Variants in LAMB4 observed in about 807,000 individuals in gnomAD.
LAMB4 encodes the protein laminin subunit beta-4.
LAMB4 carries 196 observed loss-of-function variants against 199.2 expected under a neutral mutation model. The ratio of observed to expected loss-of-function variants is 0.98; its 90% CI spans 0.88 to 1.11. The LOEUF (loss-of-function observed/expected upper bound fraction) is 1.11. LAMB4 is among the 50% of genes least tolerant of loss of function. LAMB4 has a pLI of 0.00. For synonymous variants in LAMB4, 744 were observed against 770.6 expected, an observed-to-expected ratio of 0.97 and a Z score of 0.57; for missense variants, 2,080 against 2,171.2, an observed-to-expected ratio of 0.96 and a Z score of 0.83.
At chr7:108,097,676 T>C (rs1400490730) in intron 11 of LAMB4, among the ~76,000 whole-genome samples, 1 of 152,126 alleles carries the variant, frequency 6.6e-6, no homozygotes. Context: ...TCCCAGCCAC[T>C]GCACTCCAGC....
rs2036216440 is a variant in LAMB4 at position 108,062,953 on chromosome 7, G to T, written c.3103C>A (p.Pro1035Thr). 6.2e-7 allele frequency: 1 copy of T among 1,604,426 alleles called. No homozygotes were observed. The highest frequency in any genetic ancestry group is 8.5e-7 in the Non-Finnish European group (1 of 1,176,088). The change falls in exon 23 of 34, where the codon CCC becomes ACC. Residue 1035 changes from proline (P) to threonine (T), a missense_variant. Physicochemically the swap from Pro to Thr is conservative, Grantham distance 38 (BLOSUM62 -1). Transcript: ENST00000388781. The stretch of plus-strand genomic sequence containing the variant: ...CAGAGGCAAGCTCCCCCACCAGGGG[G>T]ACACTCCATGGGACTCACGCCGGAA... ...HASGVSPMEC[P>T]PGGGACLCDP...
chr7:108,116,954 T>C (rs1358145096), intron 2 of LAMB4, among the ~76,000 whole-genome samples: 1 of 152,198 alleles, frequency 6.6e-6, no homozygotes, highest in Admixed American at 6.5e-5. Flanking sequence ...GGAGGATTGC[T>C]TGAGCCCAGG....
chr7:108,102,952 C>A, intron 10 of LAMB4, 92 bp downstream of exon 10: 2 of 1,122,226 alleles, frequency 1.8e-6, no homozygotes, highest in Non-Finnish European at 2.5e-6. Flanking sequence ...TTGGAGATGC[C>A]GTTAAGCAGA....
At chr7:108,117,098 A>G (rs1563108937) in intron 2 of LAMB4, among the ~76,000 whole-genome samples, 1 of 152,242 alleles carries the variant, frequency 6.6e-6, no homozygotes, top group Non-Finnish European at 1.5e-5. Flanking sequence ...TGTCTTACTT[A>G]GAGATTGAAT....
chr7:108,107,541 G>T, intron 6 of LAMB4, 90 bp downstream of exon 6: 1 of 1,013,108 alleles, frequency 9.9e-7, no homozygotes, highest in Non-Finnish European at 1.4e-6. Context: ...TTACATTACA[G>T]TAAACACTAT....
chr7:108,111,063 T>C (rs2038206346), intron 4 of LAMB4, among the ~76,000 whole-genome samples: 1 of 152,132 alleles, frequency 6.6e-6, no homozygotes, highest in Admixed American at 6.6e-5. Context: ...AATCATCTTG[T>C]GGGGGTTAAG....
intron 33 of LAMB4, among the ~76,000 whole-genome samples, chr7:108,025,432 CT>C (rs767315122): frequency 2.0e-3 from 220 of 109,408 alleles, no homozygotes; most frequent in Middle Eastern, 4.0e-3. Flanking sequence ...TTCTTTCTTT[CT>C]TTTTTTTTTT....
intron 1 of LAMB4, among the ~76,000 whole-genome samples, chr7:108,123,662 G>A (rs2150700077): frequency 6.6e-6 from 1 of 152,286 alleles, no homozygotes; most frequent in East Asian, 1.9e-4. Flanking sequence ...GCAAGACACT[G>A]GGGATGGAGG....
intron 29 of LAMB4, among the ~76,000 whole-genome samples, chr7:108,039,690 C>T (rs2035354370): frequency 6.6e-6 from 1 of 152,060 alleles, no homozygotes; most frequent in African/African-American, 2.4e-5. Flanking sequence ...GCTGGTCTCA[C>T]ACTCCTGAAC....
intron 28 of LAMB4, among the ~76,000 whole-genome samples, chr7:108,046,023 G>A (rs57384009): frequency 1.1e-4 from 16 of 151,978 alleles, no homozygotes; most frequent in African/African-American, 3.6e-4. Flanking sequence ...TTGAGGCCCA[G>A]ATGTCCTTAC....
At chr7:108,086,855 G>T (rs1212077193) in intron 14 of LAMB4, among the ~76,000 whole-genome samples, 1 of 152,106 alleles carries the variant, frequency 6.6e-6, no homozygotes, top group Non-Finnish European at 1.5e-5. Flanking sequence ...CCCGGATGTG[G>T]TATCTCCCAA....
intron 19 of LAMB4, among the ~76,000 whole-genome samples, chr7:108,067,781 T>A (rs1341527422): frequency 6.6e-6 from 1 of 152,222 alleles, no homozygotes; most frequent in East Asian, 1.9e-4. Flanking sequence ...GACTATGCCT[T>A]GTTCATTACT....
chr7:108,016,228 A>G, the LAMB4 span, among the ~76,000 whole-genome samples: 1 of 151,124 alleles, frequency 6.6e-6, no homozygotes, highest in Non-Finnish European at 1.5e-5. Flanking sequence ...TCTTCAGAAA[A>G]TGAGGGGGTA....
intron 29 of LAMB4, among the ~76,000 whole-genome samples, chr7:108,041,461 C>A (rs1318079073): frequency 6.6e-6 from 1 of 152,206 alleles, no homozygotes; most frequent in Non-Finnish European, 1.5e-5. Context: ...TTCATTGCAG[C>A]ATTATTCACA....
downstream of LAMB4, among the ~76,000 whole-genome samples, chr7:108,019,440 A>G (rs79278228): frequency 6.6e-6 from 1 of 152,072 alleles, no homozygotes; most frequent in African/African-American, 2.4e-5. Context: ...CAGTTGATGA[A>G]GACCTTCATT....
intron 33 of LAMB4, among the ~76,000 whole-genome samples, chr7:108,028,107 T>C (rs528810923): frequency 1.1e-4 from 16 of 152,058 alleles, no homozygotes; most frequent in African/African-American, 1.9e-4. Context: ...TGCAACACTT[T>C]GTGTGCATCA....
rs941371278 is a variant in LAMB4, at chr7:108,029,176, T to A, written c.5013A>T (p.Lys1671Asn). Residue 1671 changes from lysine to asparagine, a missense_variant, in exon 33 of 34, where the codon AAA becomes AAT. Coordinates refer to ENST00000388781, the MANE Select transcript of LAMB4 (RefSeq NM_007356.3). Reference sequence around the variant, plus strand: ...TCTTACGTTGGAGAATAGCATATTGTTTTTTCAGCTCAACAAATTCCTGTA... The same window carrying A: ...TCTTACGTTGGAGAATAGCATATTGATTTTTCAGCTCAACAAATTCCTGTA... The part of the protein sequence containing the change: ...SLEKEFVELK[K>N]QYAILQRKTS... 6.2e-7 allele frequency: 1 copy of A among 1,611,896 alleles called. No individual in the cohort carries two copies. The highest frequency in any genetic ancestry group is 1.7e-5 in the Admixed American group (1 of 59,514).
intron 11 of LAMB4, among the ~76,000 whole-genome samples, chr7:108,097,120 C>T (rs547163925): frequency 1.3e-4 from 20 of 152,254 alleles, no homozygotes; most frequent in African/African-American, 4.8e-4. Context: ...ATTATCATGA[C>T]ATTTAATTTT....
At chr7:108,041,890 TA>T (rs958502758) in intron 29 of LAMB4, among the ~76,000 whole-genome samples, 114 of 151,552 alleles carry the variant, frequency 7.5e-4, no homozygotes, top group African/African-American at 6.5e-4. Context: ...ACTTAAAAGT[TA>T]AAAAAAAAGT....
Sources: allele counts gnomAD v4.1 joint callset (sites outside exome capture counted in the v4.1 genomes callset), GRCh38; gene constraint gnomAD v4.1.1; transcripts MANE v1.5; gene names NCBI Gene and HGNC (gene_info 2026-07-23, HGNC 2026-07-21).